Variants in SLC22A8 observed in about 807,000 individuals in gnomAD.
SLC22A8 encodes the protein solute carrier family 22 member 8, also known as organic anion transporter 3.
In SLC22A8, 40 loss-of-function variants were observed where a neutral mutation model predicts 48.4. The ratio of observed to expected loss-of-function variants is 0.83; its 90% CI spans 0.64 to 1.08. The LOEUF (loss-of-function observed/expected upper bound fraction) is 1.08. Ranked by LOEUF, SLC22A8 falls within the 50% of genes least tolerant of loss-of-function variation. The probability of loss-of-function intolerance (pLI) is 0.00; values close to 1 mark genes in which losing one functional copy is unlikely to be tolerated. For missense variants in SLC22A8, 606 were observed against 699.0 expected (o/e 0.87, Z 1.50); for synonymous variants, 268 against 286.3 (o/e 0.94, Z 0.65).
Position 62,993,765 on chromosome 11 carries a change from C to G in SLC22A8, c.1325+5G>C, listed in dbSNP as rs780553280. On this transcript the variant is annotated splice_donor_5th_base_variant and intron_variant, in intron 9 of 10. Transcript: ENST00000336232. ...GCTGGGCCTGGCCCCAGGTCCAGCA[C>G]CTACCTGATGACTGTGGGGTATAAT... 6 of 1,608,196 alleles carry G rather than the reference C, an allele frequency of 3.7e-6. No individual in the cohort carries two copies. Among genetic ancestry groups the G allele is most frequent in the South Asian group, 2.2e-5 (2 of 90,978 alleles).
chr11:63,006,602 T>G (rs76345627), intron 2 of SLC22A8, among the ~76,000 whole-genome samples: 963 of 95,028 alleles, frequency 0.01, 18 homozygotes, highest in South Asian at 0.016. Flanking sequence ...TGAGTTTTTT[T>G]TTTTTTTTTT....
In SLC22A8 at chr11:62,993,405, G is replaced by C; in HGVS notation, c.1529+19C>G. ...TTCCCCAGGGAGGAGCACTGATGGG[G>C]CCAGAGGCAGTGACTGACCAGTTTT... is the stretch of plus-strand genomic sequence containing the variant. On this transcript the variant is annotated intron_variant, in intron 10 of 10. Transcript: ENST00000336232. 1 of 1,613,606 alleles carries C rather than the reference G, an allele frequency of 6.2e-7. No homozygotes were observed. Among genetic ancestry groups the C allele is most frequent in the Non-Finnish European group, 8.5e-7 (1 of 1,179,504 alleles).
intron 3 of SLC22A8, 60 bp downstream of exon 3, chr11:63,000,660 G>C: frequency 8.1e-7 from 1 of 1,238,374 alleles, no homozygotes; most frequent in Non-Finnish European, 1.2e-6. Flanking sequence ...GGGTGGAGCA[G>C]AGTAGGGAAG....
intron 9 of SLC22A8, 71 bp from the exon 10 acceptor site, chr11:62,993,698 G>A (rs754057940): frequency 1.0e-5 from 16 of 1,597,822 alleles, no homozygotes; most frequent in East Asian, 6.7e-5. Context: ...CCTGGGTAGA[G>A]GACAGGACAA....
In SLC22A8 at chr11:62,994,677, T is replaced by G; in HGVS notation, c.1081A>C (p.Ile361Leu). 1 of 1,614,228 alleles carries G rather than the reference T, an allele frequency of 6.2e-7. No homozygotes were observed. The highest frequency in any genetic ancestry group is 2.2e-5 in the East Asian group (1 of 44,880). Residue 361 changes from isoleucine (I) to leucine (L), a missense_variant, in exon 8 of 11, where the codon ATC becomes CTC. Coordinates refer to ENST00000336232, the MANE Select transcript of SLC22A8 (RefSeq NM_004254.4). ...FGVNLYILQI[I>L]FGGVDVPAKF... is the part of the protein sequence containing the mutation. ...GCTGGGACATCGACCCCACCAAAGA[T>G]GATCTGGAGGATGTAGAGGTTGACT...
intron 5 of SLC22A8, 151 bp downstream of exon 5, chr11:62,998,769 GT>G (rs1263742831): frequency 8.0e-6 from 5 of 628,714 alleles, no homozygotes; most frequent in Non-Finnish European, 1.4e-5. Context: ...GCATGCATTT[GT>G]TTATGTAGTT....
At chr11:63,013,296 G>A (rs541652312) in intron 2 of SLC22A8, among the ~76,000 whole-genome samples, 3 of 152,286 alleles carry the variant, frequency 2.0e-5, no homozygotes, top group African/African-American at 7.2e-5. Context: ...AACATGGGAA[G>A]GTCATGGAAT....
rs747396686 is a variant in SLC22A8 at position 62,996,059 on chromosome 11, C to T, written c.855G>A (p.Lys285=). ...ILRRVAVFNG[K]KEEGERLSLE... The stretch of plus-strand genomic sequence containing the variant: ...AGCTGAGCCTTTCTCCCTCTTCCTT[C>T]TTGCCATTGAAGACAGCCACCCGCC... The change falls in exon 6 of 11, where the codon AAG becomes AAA. Residue 285 remains lysine, a synonymous_variant. Transcript: ENST00000336232. 1 of 1,614,132 alleles carries T rather than the reference C, an allele frequency of 6.2e-7. No homozygotes were observed. The highest frequency in any genetic ancestry group is 1.7e-5 in the Admixed American group (1 of 60,020).
At chr11:63,003,781 C>A (rs2086524637) in intron 2 of SLC22A8, among the ~76,000 whole-genome samples, 2 of 152,132 alleles carry the variant, frequency 1.3e-5, no homozygotes, top group Non-Finnish European at 1.5e-5. Flanking sequence ...ATGCTTTCTT[C>A]CCCTCCTGTT....
At chr11:62,997,958 C>A (rs2086443070) in intron 5 of SLC22A8, among the ~76,000 whole-genome samples, 1 of 152,072 alleles carries the variant, frequency 6.6e-6, no homozygotes, top group African/African-American at 2.4e-5. Flanking sequence ...GCTCTGACTA[C>A]CTTTTTTTTT....
chr11:63,000,094 A>G (rs986318814), intron 3 of SLC22A8, among the ~76,000 whole-genome samples: 1 of 152,130 alleles, frequency 6.6e-6, no homozygotes, highest in Non-Finnish European at 1.5e-5. Flanking sequence ...GGGTCAAAGG[A>G]CCGCCCATCT....
Position 62,992,853 on chromosome 11 carries a change from TCC to T in SLC22A8, c.*382_*383del, listed in dbSNP as rs2086359707. The T allele has an allele frequency of 8.7e-6, 2 of 228,890 alleles. No individual in the cohort carries two copies. Among genetic ancestry groups the T allele is most frequent in the African/African-American group, 4.5e-5 (2 of 44,196 alleles). 14.2% of individuals were successfully genotyped at this position (228,890 alleles called of 1,614,324 possible). On this transcript the variant is annotated 3_prime_UTR_variant, in exon 11 of 11. Transcript: ENST00000336232. ...GTTCTTATCGCTGTTTATTGAAACC[TCC>T]CATCAAAGAAAAGTGTGGGAGGCAA...
intron 2 of SLC22A8, among the ~76,000 whole-genome samples, chr11:63,009,089 T>G (rs2086588252): frequency 6.6e-6 from 1 of 151,982 alleles, no homozygotes; most frequent in Non-Finnish European, 1.5e-5. Flanking sequence ...TCTCAGGCCT[T>G]TTCCCAGGAG....
chr11:63,002,835 C>A (rs1418838836), intron 2 of SLC22A8, among the ~76,000 whole-genome samples: 1 of 152,180 alleles, frequency 6.6e-6, no homozygotes, highest in Non-Finnish European at 1.5e-5. Flanking sequence ...CTGTTCTAAG[C>A]TCTTTCCATG....
At chr11:63,000,907 G>A in intron 2 of SLC22A8, 84 bp from the exon 3 acceptor site, 1 of 1,046,240 alleles carries the variant, frequency 9.6e-7, no homozygotes, top group South Asian at 1.3e-5. Flanking sequence ...CATACATGTG[G>A]GCTTCCTCTC....
intron 2 of SLC22A8, among the ~76,000 whole-genome samples, chr11:63,009,381 G>C (rs993005375): frequency 6.6e-6 from 1 of 152,100 alleles, no homozygotes; most frequent in Non-Finnish European, 1.5e-5. Flanking sequence ...CCTGGAGAGG[G>C]TGGGGGACGG....
chr11:63,015,400 C>T (rs572390560), intron 1 of SLC22A8, among the ~76,000 whole-genome samples: 18 of 152,188 alleles, frequency 1.2e-4, no homozygotes, highest in African/African-American at 3.1e-4. Flanking sequence ...GTGCAGGACA[C>T]GTAGCAGGGA....
At chr11:63,006,219 C>CA (rs2086552623) in intron 2 of SLC22A8, among the ~76,000 whole-genome samples, 1 of 152,186 alleles carries the variant, frequency 6.6e-6, no homozygotes, top group Admixed American at 6.5e-5. Flanking sequence ...CTGAGCCATG[C>CA]AAGTCCTTGG....
In SLC22A8 at chr11:63,002,382, T is replaced by C. The variant is rs117711312; in HGVS notation, c.334-1559A>G. On this transcript the variant is annotated intron_variant, in intron 2 of 10. Transcript: ENST00000336232. Reference sequence around the variant, plus strand: ...TTGACATTTTTTGTGGTGATACTTTTGAAAGTCACCCTTCTAGTTATGGTG... The same window carrying C: ...TTGACATTTTTTGTGGTGATACTTTCGAAAGTCACCCTTCTAGTTATGGTG... 9.2e-3 allele frequency among the ~76,000 whole-genome samples: 1,398 copies of C among 152,340 alleles called. 16 individuals are homozygous for C. Among genetic ancestry groups the C allele is most frequent in the Middle Eastern group, 0.017 (5 of 294 alleles).
Sources: allele counts gnomAD v4.1 joint callset (sites outside exome capture counted in the v4.1 genomes callset), GRCh38; gene constraint gnomAD v4.1.1; transcripts MANE v1.5; gene names NCBI Gene and HGNC (gene_info 2026-07-23, HGNC 2026-07-21).